Variants in CDH12 observed in about 807,000 individuals in gnomAD.
CDH12 encodes the protein cadherin-12.
CDH12 carries 41 observed loss-of-function variants against 74.1 expected under a neutral mutation model. The ratio of observed to expected loss-of-function variants is 0.55; its 90% CI spans 0.43 to 0.72. The LOEUF (loss-of-function observed/expected upper bound fraction) is 0.72. CDH12 is among the 30% of genes least tolerant of loss of function. The probability of loss-of-function intolerance (pLI) is 0.00; values close to 1 mark genes in which losing one functional copy is unlikely to be tolerated. For synonymous variants in CDH12, 399 were observed against 355.0 expected, an observed-to-expected ratio of 1.12 and a Z score of -1.39; for missense variants, 945 against 977.2, an observed-to-expected ratio of 0.97 and a Z score of 0.44.
intron 6 of CDH12, among the ~76,000 whole-genome samples, chr5:21,952,672 C>A (rs186995613): frequency 6.9e-4 from 105 of 152,166 alleles, no homozygotes; most frequent in Middle Eastern, 3.4e-3. Flanking sequence ...AGACACTATA[C>A]TTTCTGTTAT....
chr5:22,311,763 T>C (rs1304742515), intron 3 of CDH12, among the ~76,000 whole-genome samples: 2 of 150,694 alleles, frequency 1.3e-5, no homozygotes, highest in Non-Finnish European at 3.0e-5. Flanking sequence ...GGTGTGGTGG[T>C]CTAGGGAAGT....
intron 8 of CDH12, among the ~76,000 whole-genome samples, chr5:21,835,727 A>AG (rs1158277641): frequency 6.6e-6 from 1 of 151,762 alleles, no homozygotes; most frequent in East Asian, 1.9e-4. Flanking sequence ...ATTTTAAAAA[A>AG]CATTTCTTTA....
intron 5 of CDH12, among the ~76,000 whole-genome samples, chr5:22,010,529 C>G (rs1737237021): frequency 6.6e-6 from 1 of 152,140 alleles, no homozygotes; most frequent in Non-Finnish European, 1.5e-5. Context: ...TTCCCAGAAC[C>G]AATTATATCT....
At chr5:22,531,702 G>A (rs922081479) in intron 1 of CDH12, among the ~76,000 whole-genome samples, 4 of 152,072 alleles carry the variant, frequency 2.6e-5, no homozygotes, top group African/African-American at 9.7e-5. Flanking sequence ...GATGGCAAAA[G>A]AAATTCCAAT....
intron 11 of CDH12, among the ~76,000 whole-genome samples, chr5:21,773,357 G>A (rs370202903): frequency 3.9e-5 from 6 of 152,238 alleles, no homozygotes; most frequent in Non-Finnish European, 1.5e-5. Context: ...ATTCAGGTGG[G>A]CCTCCATCTA....
At chr5:22,359,712 G>C (rs1740716122) in intron 3 of CDH12, among the ~76,000 whole-genome samples, 2 of 152,122 alleles carry the variant, frequency 1.3e-5, no homozygotes, top group South Asian at 2.1e-4. Flanking sequence ...TAAAAGAATA[G>C]AAATTATAAC....
intron 3 of CDH12, among the ~76,000 whole-genome samples, chr5:22,265,072 C>T (rs1157677028): frequency 6.6e-6 from 1 of 152,130 alleles, no homozygotes; most frequent in Non-Finnish European, 1.5e-5. Context: ...AAAACAGCCA[C>T]CAGATTTCAA....
At chr5:22,027,215 C>T (rs894817866) in intron 5 of CDH12, among the ~76,000 whole-genome samples, 1 of 152,042 alleles carries the variant, frequency 6.6e-6, no homozygotes, top group Non-Finnish European at 1.5e-5. Flanking sequence ...ATTCGGTTTG[C>T]CAGTATTTTA....
chr5:22,803,648 A>G (rs773800537), intron 1 of CDH12, among the ~76,000 whole-genome samples: 2 of 152,202 alleles, frequency 1.3e-5, no homozygotes, highest in Non-Finnish European at 1.5e-5. Flanking sequence ...AAGTTCAAAT[A>G]ATACAAAAAA....
At chr5:21,779,995 C>T (rs189090130) in intron 11 of CDH12, among the ~76,000 whole-genome samples, 1 of 152,204 alleles carries the variant, frequency 6.6e-6, no homozygotes, top group East Asian at 1.9e-4. Context: ...CTTTATGGTT[C>T]TAATATCTTT....
chr5:21,888,445 C>T (rs1001832378), intron 6 of CDH12, among the ~76,000 whole-genome samples: 7 of 152,044 alleles, frequency 4.6e-5, no homozygotes, highest in Admixed American at 2.0e-4. Flanking sequence ...CAATTTGCAA[C>T]GTTTCCTCAC....
chr5:22,177,143 T>TG (rs1749381420), intron 4 of CDH12, among the ~76,000 whole-genome samples: 1 of 152,280 alleles, frequency 6.6e-6, no homozygotes, highest in African/African-American at 2.4e-5. Flanking sequence ...ACTTCCTAGG[T>TG]GGTTACTCTA....
intron 4 of CDH12, among the ~76,000 whole-genome samples, chr5:22,170,521 C>T (rs541651787): frequency 3.8e-4 from 58 of 151,022 alleles, no homozygotes; most frequent in African/African-American, 1.4e-3. Flanking sequence ...AGAGAAATGG[C>T]AATTCAAATG....
intron 6 of CDH12, among the ~76,000 whole-genome samples, chr5:21,872,827 TATCTATC>T (rs1275829213): frequency 7.3e-6 from 1 of 137,690 alleles, no homozygotes; most frequent in Admixed American, 7.1e-5. Context: ...TCTATCTATC[TATCTATC>T]ATCTATTATC....
intron 4 of CDH12, among the ~76,000 whole-genome samples, chr5:22,200,515 A>G (rs899050473): frequency 1.3e-5 from 2 of 152,202 alleles, no homozygotes; most frequent in African/African-American, 2.4e-5. Context: ...TGTGTGAACA[A>G]TTTCCACTGT....
intron 5 of CDH12, among the ~76,000 whole-genome samples, chr5:22,042,963 T>G (rs956302334): frequency 6.0e-5 from 9 of 150,838 alleles, no homozygotes; most frequent in African/African-American, 2.2e-4. Context: ...AATACAATCC[T>G]CATATAAAAG....
chr5:22,208,504 A>T (rs1298654181), intron 4 of CDH12, among the ~76,000 whole-genome samples: 1 of 152,146 alleles, frequency 6.6e-6, no homozygotes, highest in African/African-American at 2.4e-5. Flanking sequence ...CTTATTCATG[A>T]TTTCCACAGA....
intron 1 of CDH12, among the ~76,000 whole-genome samples, chr5:22,618,694 C>T (rs1737808729): frequency 6.6e-6 from 1 of 152,084 alleles, no homozygotes. Context: ...ATATCTTGGG[C>T]ATGAAATTCT....
At chr5:22,342,014 T>C (rs1343178097) in intron 3 of CDH12, among the ~76,000 whole-genome samples, 1 of 152,082 alleles carries the variant, frequency 6.6e-6, no homozygotes, top group Non-Finnish European at 1.5e-5. Context: ...GATCAGGGTG[T>C]CAGCAAGTTT....
Sources: gnomAD v4.1 joint callset for allele counts (sites outside exome capture counted in the v4.1 genomes callset) on GRCh38, gnomAD v4.1.1 for gene constraint, MANE v1.5 for transcripts, NCBI Gene and HGNC (gene_info 2026-07-23, HGNC 2026-07-21) for gene names.